The following MDGA2 variants were observed in gnomAD, a reference collection of about 807,000 sequenced individuals.
MDGA2 encodes the protein MAM domain containing glycosylphosphatidylinositol anchor 2, also known as MAM domain-containing glycosylphosphatidylinositol anchor protein 2.
Under a neutral mutation model 117.8 loss-of-function variants are expected in MDGA2, and 40 were observed. That is an observed-to-expected ratio of 0.34 (90% CI 0.26 to 0.44). The LOEUF (loss-of-function observed/expected upper bound fraction) is 0.44, where lower values mean the gene tolerates loss of function less well. Among genes scored for constraint, MDGA2 ranks in the 20% least tolerant of loss-of-function variants. The pLI, the probability that MDGA2 is intolerant of heterozygous loss-of-function variation, is 1.00. For missense variants in MDGA2, 1,123 were observed against 1,250.6 expected (o/e 0.90, Z 1.54); for synonymous variants, 452 against 439.0 (o/e 1.03, Z -0.37).
At chr14:47,306,951 C>A (rs1889471388) in intron 1 of MDGA2, among the ~76,000 whole-genome samples, 1 of 151,866 alleles carries the variant, frequency 6.6e-6, no homozygotes, top group Admixed American at 6.6e-5. Context: ...ATTACTTATA[C>A]CATTCTCTTA....
At chr14:47,436,273 C>T (rs980376868) in intron 1 of MDGA2, among the ~76,000 whole-genome samples, 1 of 152,058 alleles carries the variant, frequency 6.6e-6, no homozygotes, top group African/African-American at 2.4e-5. Flanking sequence ...TATAATAGTT[C>T]AGGTGTAGCA....
intron 1 of MDGA2, among the ~76,000 whole-genome samples, chr14:47,388,044 A>G (rs757990781): frequency 2.4e-4 from 36 of 152,242 alleles, no homozygotes; most frequent in Non-Finnish European, 4.4e-4. Context: ...GACGAAAATG[A>G]TGACAAACAC....
intron 14 of MDGA2, among the ~76,000 whole-genome samples, chr14:46,872,336 CCTT>C (rs1359847148): frequency 3.3e-5 from 5 of 151,878 alleles, no homozygotes; most frequent in African/African-American, 1.2e-4. Context: ...AATTTTACTT[CCTT>C]ATTACCAGTG....
intron 2 of MDGA2, among the ~76,000 whole-genome samples, chr14:47,254,842 C>T (rs1397482919): frequency 6.6e-6 from 1 of 152,114 alleles, no homozygotes; most frequent in Non-Finnish European, 1.5e-5. Flanking sequence ...GGTGGGAGGC[C>T]TCAGGAAACT....
chr14:47,276,494 G>GT (rs775819220), intron 2 of MDGA2, among the ~76,000 whole-genome samples: 6 of 152,052 alleles, frequency 3.9e-5, no homozygotes, highest in Non-Finnish European at 7.4e-5. Context: ...GAGGTGTTTT[G>GT]TTTAATTGAG....
At chr14:47,143,424 T>G (rs1259132357) in intron 4 of MDGA2, among the ~76,000 whole-genome samples, 1 of 152,218 alleles carries the variant, frequency 6.6e-6, no homozygotes. Context: ...CATGCAAATA[T>G]TCCCACGAAT....
intron 4 of MDGA2, among the ~76,000 whole-genome samples, chr14:47,141,928 C>G (rs1398201961): frequency 6.6e-6 from 1 of 152,112 alleles, no homozygotes; most frequent in Non-Finnish European, 1.5e-5. Flanking sequence ...GCTAAATACC[C>G]TGATTTGATT....
chr14:47,380,312 T>C (rs12897748), intron 1 of MDGA2, among the ~76,000 whole-genome samples: 44,298 of 151,848 alleles, frequency 0.29, 6,786 homozygotes, highest in Middle Eastern at 0.41. Flanking sequence ...TTAAAAGAAC[T>C]ACAAAAGCAA....
intron 3 of MDGA2, among the ~76,000 whole-genome samples, chr14:47,213,120 G>A (rs1344404286): frequency 6.6e-6 from 1 of 152,050 alleles, no homozygotes; most frequent in East Asian, 1.9e-4. Context: ...TCCTCAGCAA[G>A]GGTGCATTAG....
intron 1 of MDGA2, among the ~76,000 whole-genome samples, chr14:47,408,556 C>A (rs1218933051): frequency 6.6e-6 from 1 of 152,146 alleles, no homozygotes; most frequent in East Asian, 1.9e-4. Flanking sequence ...GGACTCTAAG[C>A]GCTAAGGGCG....
intron 4 of MDGA2, among the ~76,000 whole-genome samples, chr14:47,132,838 A>C (rs1882270620): frequency 6.6e-6 from 1 of 151,952 alleles, no homozygotes; most frequent in African/African-American, 2.4e-5. Context: ...AATGTGTTTC[A>C]TCACTTTACC....
chr14:47,059,100 T>A, intron 7 of MDGA2: 1 of 1,019,962 alleles, frequency 9.8e-7, no homozygotes, highest in Non-Finnish European at 1.2e-6. Context: ...AGCAAATGTC[T>A]ATATTATAGA....
At chr14:47,023,077 G>T (rs913992109) in intron 8 of MDGA2, among the ~76,000 whole-genome samples, 1 of 151,382 alleles carries the variant, frequency 6.6e-6, no homozygotes. Context: ...AATACAGAAA[G>T]AACTGAGTTG....
chr14:47,537,091 G>A (rs1246254316), intron 1 of MDGA2, among the ~76,000 whole-genome samples: 1 of 152,128 alleles, frequency 6.6e-6, no homozygotes, highest in African/African-American at 2.4e-5. Context: ...TTGAACAGAT[G>A]TCAAGTGACT....
chr14:47,048,748 C>G (rs1173738165), intron 7 of MDGA2, among the ~76,000 whole-genome samples: 1 of 151,962 alleles, frequency 6.6e-6, no homozygotes, highest in Non-Finnish European at 1.5e-5. Context: ...TTCTTTAGAG[C>G]AAATGAGGTT....
intron 8 of MDGA2, among the ~76,000 whole-genome samples, chr14:46,983,887 ATATT>A (rs1047174945): frequency 6.6e-6 from 1 of 151,980 alleles, no homozygotes; most frequent in African/African-American, 2.4e-5. Context: ...ATTAGTTTGA[ATATT>A]TATTTAAGTG....
At chr14:47,185,549 A>G (rs1490837114) in intron 3 of MDGA2, among the ~76,000 whole-genome samples, 1 of 151,328 alleles carries the variant, frequency 6.6e-6, no homozygotes, top group African/African-American at 2.4e-5. Context: ...AGACATGAAT[A>G]GAATTATAAC....
At chr14:47,248,285 A>C (rs562946721) in intron 2 of MDGA2, among the ~76,000 whole-genome samples, 30 of 151,820 alleles carry the variant, frequency 2.0e-4, no homozygotes, top group Admixed American at 1.1e-3. Flanking sequence ...TTTTACAAAA[A>C]AATGAGAAAC....
intron 2 of MDGA2, 110 bp from the exon 3 acceptor site, chr14:47,218,305 T>G: frequency 1.1e-6 from 1 of 898,924 alleles, no homozygotes; most frequent in South Asian, 2.2e-5. Context: ...ACATTGCCTC[T>G]CCCATCAAAT....
Sources: allele counts gnomAD v4.1 joint callset (sites outside exome capture counted in the v4.1 genomes callset), GRCh38; gene constraint gnomAD v4.1.1; transcripts MANE v1.5; gene names NCBI Gene and HGNC (gene_info 2026-07-23, HGNC 2026-07-21).